Variants in NTRK3 observed in about 807,000 individuals in gnomAD.
The protein encoded by NTRK3 is NT-3 growth factor receptor.
NTRK3 carries 24 observed loss-of-function variants against 91.7 expected under a neutral mutation model. The ratio of observed to expected loss-of-function variants is 0.26; its 90% CI spans 0.19 to 0.37. The LOEUF is 0.37. Among genes scored for constraint, NTRK3 ranks in the 10% least tolerant of loss-of-function variants. NTRK3 has a pLI of 1.00. For missense variants in NTRK3, 880 were observed against 1,068.9 expected (o/e 0.82, Z 2.46); for synonymous variants, 483 against 404.0 (o/e 1.20, Z -2.34).
intron 13 of NTRK3, among the ~76,000 whole-genome samples, chr15:88,077,717 A>C (rs1181356552): frequency 6.6e-6 from 1 of 152,162 alleles, no homozygotes; most frequent in Non-Finnish European, 1.5e-5. Context: ...AGACTGAGTG[A>C]AACACTCTAA....
chr15:88,183,012 A>ACCCCCCCCCCCCCCCCCCCCCCCCCCC (rs370707792), intron 5 of NTRK3, among the ~76,000 whole-genome samples: 3 of 119,874 alleles, frequency 2.5e-5, no homozygotes, highest in Admixed American at 8.6e-5. Context: ...TCTTCTTGCA[A>ACCCCCCCCCCCCCCCCCCCCCCCCCCC]CCCCCCCCCG....
chr15:88,041,823 A>AT (rs1291476516), intron 13 of NTRK3, among the ~76,000 whole-genome samples: 2 of 87,624 alleles, frequency 2.3e-5, no homozygotes, highest in East Asian at 3.3e-4. Context: ...GAAGTCCCTC[A>AT]TAAAAAAAAA....
intron 14 of NTRK3, among the ~76,000 whole-genome samples, chr15:87,980,926 G>A (rs886586231): frequency 2.0e-5 from 3 of 152,114 alleles, no homozygotes; most frequent in African/African-American, 7.2e-5. Flanking sequence ...AAAAGGGAAG[G>A]AAGGCCATTG....
At chr15:88,169,108 G>T (rs916928688) in intron 5 of NTRK3, among the ~76,000 whole-genome samples, 1 of 152,202 alleles carries the variant, frequency 6.6e-6, no homozygotes, top group Non-Finnish European at 1.5e-5. Flanking sequence ...AGCCCTGGAG[G>T]ACATGCAGGG....
chr15:87,996,115 G>T (rs1235603865), intron 14 of NTRK3, among the ~76,000 whole-genome samples: 1 of 151,922 alleles, frequency 6.6e-6, no homozygotes, highest in African/African-American at 2.4e-5. Context: ...ATGGTGGCAC[G>T]CACCTGTAAT....
At chr15:87,984,511 C>T (rs1248655053) in intron 14 of NTRK3, among the ~76,000 whole-genome samples, 2 of 152,178 alleles carry the variant, frequency 1.3e-5, no homozygotes, top group Non-Finnish European at 2.9e-5. Flanking sequence ...CGGCACTGGC[C>T]GAGGTGAGTG....
chr15:88,105,601 A>G (rs775180189), intron 13 of NTRK3, among the ~76,000 whole-genome samples: 1 of 152,178 alleles, frequency 6.6e-6, no homozygotes. Flanking sequence ...CAGCAGGGCT[A>G]TATCTTTTCC....
intron 14 of NTRK3, among the ~76,000 whole-genome samples, chr15:88,004,974 T>C (rs1395699914): frequency 6.6e-6 from 1 of 152,226 alleles, no homozygotes; most frequent in Non-Finnish European, 1.5e-5. Context: ...GTGGTATTTA[T>C]TATTCTCATC....
chr15:87,968,816 T>C (rs2073011101), intron 14 of NTRK3, among the ~76,000 whole-genome samples: 1 of 152,158 alleles, frequency 6.6e-6, no homozygotes, highest in South Asian at 2.1e-4. Flanking sequence ...CTAACTGCAA[T>C]TTGGGGATTA....
chr15:88,067,165 C>T (rs778361203), intron 13 of NTRK3, among the ~76,000 whole-genome samples: 11 of 152,298 alleles, frequency 7.2e-5, no homozygotes, highest in Non-Finnish European at 1.5e-4. Flanking sequence ...CCATGCAACA[C>T]GTGGTGCTGA....
At chr15:87,948,720 G>A (rs1186394694) in intron 14 of NTRK3, among the ~76,000 whole-genome samples, 1 of 152,064 alleles carries the variant, frequency 6.6e-6, no homozygotes, top group Non-Finnish European at 1.5e-5. Context: ...AAATAAAAAT[G>A]ATTAGTCAAA....
chr15:88,127,159 C>T lies in NTRK3; in HGVS notation c.1293+3G>A. The stretch of plus-strand genomic sequence containing the variant: ...CACTCCTCTTGACCAAGAAGTGACT[C>T]ACCCCAAAAGTGTCTTCTTCTGGTT... On this transcript the variant is annotated splice_donor_region_variant and intron_variant, in intron 12 of 18. Coordinates refer to ENST00000394480, the Ensembl canonical transcript of NTRK3. 1.2e-6 allele frequency: 2 copies of T among 1,613,544 alleles called. No homozygotes were observed. Among genetic ancestry groups the T allele is most frequent in the Non-Finnish European group, 1.7e-6 (2 of 1,179,702 alleles).
At chr15:87,988,491 G>A (rs557820184) in intron 14 of NTRK3, among the ~76,000 whole-genome samples, 2 of 152,178 alleles carry the variant, frequency 1.3e-5, no homozygotes, top group Non-Finnish European at 1.5e-5. Flanking sequence ...GATATAGAAT[G>A]ATTACAATAG....
chr15:88,027,152 G>A (rs1024685069), intron 14 of NTRK3, among the ~76,000 whole-genome samples: 3 of 152,042 alleles, frequency 2.0e-5, no homozygotes, highest in African/African-American at 4.8e-5. Flanking sequence ...GGATGCTGGA[G>A]GTAGCGGGTC....
At chr15:88,252,068 G>T (rs1207026874) in intron 3 of NTRK3, among the ~76,000 whole-genome samples, 2 of 152,150 alleles carry the variant, frequency 1.3e-5, no homozygotes, top group African/African-American at 4.8e-5. Context: ...GGAGACCAAG[G>T]TCTCCAGGTT....
At chr15:87,907,532 T>C (rs1261933312) in intron 17 of NTRK3, among the ~76,000 whole-genome samples, 2 of 152,110 alleles carry the variant, frequency 1.3e-5, no homozygotes, top group Non-Finnish European at 2.9e-5. Context: ...ATCAGGATAA[T>C]ACTGTATATT....
rs184142234 is a variant in NTRK3 at position 88,004,343 on chromosome 15, A to G, written c.1585+28514T>C. ...TAGGAAGAGCCCAAGAGACTTTTGC[A>G]TGTGCTGTAAACAAGAGGAGAGAGA... On this transcript the variant is annotated intron_variant, in intron 14 of 18. Transcript: ENST00000394480. Among the ~76,000 whole-genome samples the G allele has an allele frequency of 2.0e-4, 31 of 152,342 alleles. 1 individual carries two copies. The East Asian group carries it at 5.8e-3, about 28-fold the overall frequency.
At chr15:87,990,232 C>T (rs988008070) in intron 14 of NTRK3, among the ~76,000 whole-genome samples, 18 of 152,030 alleles carry the variant, frequency 1.2e-4, no homozygotes, top group Non-Finnish European at 1.6e-4. Flanking sequence ...TATTAGGAAC[C>T]CAGATAGGGG....
chr15:87,959,251 G>T (rs192641347), intron 14 of NTRK3, among the ~76,000 whole-genome samples: 156 of 152,340 alleles, frequency 1.0e-3, no homozygotes, highest in African/African-American at 3.5e-3. Flanking sequence ...CTAGTGGGCA[G>T]AGCTCTGGCT....
Sources: gnomAD v4.1 joint callset for allele counts (sites outside exome capture counted in the v4.1 genomes callset) on GRCh38, gnomAD v4.1.1 for gene constraint, MANE v1.5 for transcripts, NCBI Gene and HGNC (gene_info 2026-07-23, HGNC 2026-07-21) for gene names.